The following ACCS variants were observed in gnomAD, a reference collection of about 807,000 sequenced individuals.
ACCS encodes the protein 1-aminocyclopropane-1-carboxylate synthase-like protein 1.
Under a neutral mutation model 59.8 loss-of-function variants are expected in ACCS, and 42 were observed. The ratio of observed to expected loss-of-function variants is 0.70; its 90% CI spans 0.55 to 0.91. The LOEUF (loss-of-function observed/expected upper bound fraction) is 0.91. Among genes scored for constraint, ACCS ranks in the 40% least tolerant of loss-of-function variants. ACCS has a pLI of 0.00. For missense variants in ACCS, 602 were observed against 630.4 expected, an observed-to-expected ratio of 0.95 and a Z score of 0.48; for synonymous variants, 230 against 240.3, an observed-to-expected ratio of 0.96 and a Z score of 0.40.
At position 44,077,861 on chromosome 11, in the gene ACCS, C is replaced by CA; in HGVS notation, c.672dup (p.Arg225ThrfsTer20). 1 of 1,613,968 alleles carries CA rather than the reference C, an allele frequency of 6.2e-7. No homozygotes were observed. Among genetic ancestry groups the CA allele is most frequent in the Non-Finnish European group, 8.5e-7 (1 of 1,179,936 alleles). On this transcript the variant is annotated frameshift_variant, in exon 8 of 15. Transcript: ENST00000263776. LOFTEE classifies it high-confidence loss of function. ...TTTTTCCAGGTCACTGGGCTAGACA[C>CA]ACGCCCCTTCCAGCTCACAGTGGAG...
chr11:44,074,128 C>T (rs185078058), intron 4 of ACCS, among the ~76,000 whole-genome samples: 329 of 152,238 alleles, frequency 2.2e-3, no homozygotes, highest in African/African-American at 7.5e-3. Context: ...TGCCTCTTAC[C>T]AGCAAGTGAC....
rs747458019 is a variant in ACCS at position 44,081,211 on chromosome 11, G to A, written c.1002G>A (p.Thr334=). The change falls in exon 12 of 15, where the codon ACG becomes ACA. Residue 334 remains threonine, a synonymous_variant. Transcript: ENST00000263776. ...DFGMSGLRFG[T]LYTENQDVAT... is the part of the protein sequence containing the mutation. ...GGATGTCTGGGCTCCGCTTTGGCAC[G>A]CTGTACACAGAAAACCAGGATGTGG... 9 of 1,614,118 alleles carry A rather than the reference G, an allele frequency of 5.6e-6. No homozygotes were observed. Among genetic ancestry groups the A allele is most frequent in the Middle Eastern group, 1.6e-4 (1 of 6,084 alleles).
At position 44,070,114 on chromosome 11, in the gene ACCS, G is replaced by A. The variant is rs148334301; in HGVS notation, c.289-1142G>A. Among the ~76,000 whole-genome samples the A allele has an allele frequency of 1.9e-3, 287 of 152,294 alleles. 1 individual carries two copies. The highest frequency in any genetic ancestry group is 6.8e-3 in the African/African-American group (281 of 41,562). On this transcript the variant is annotated intron_variant, in intron 2 of 14. Coordinates refer to ENST00000263776, the MANE Select transcript of ACCS (RefSeq NM_032592.4). ...ATGGGGTCAGAAAGAGGATGGGGTGGTGGAGGTGATAGAACCTGTAGGGCC... is the reference window on the plus strand; with the variant it reads ...ATGGGGTCAGAAAGAGGATGGGGTGATGGAGGTGATAGAACCTGTAGGGCC...
Position 44,083,417 on chromosome 11 carries a change from C to T in ACCS, c.1255-7C>T, listed in dbSNP as rs1465614852. The T allele has an allele frequency of 6.2e-7, 1 of 1,614,122 alleles. No homozygotes were observed. Among genetic ancestry groups the T allele is most frequent in the Non-Finnish European group, 8.5e-7 (1 of 1,179,986 alleles). On this transcript the variant is annotated splice_polypyrimidine_tract_variant and splice_region_variant and intron_variant, in intron 13 of 14. Coordinates refer to ENST00000263776, the MANE Select transcript of ACCS (RefSeq NM_032592.4). Reference sequence around the variant, plus strand: ...AGCTATGTCCTGAGCCCCTTCCACCCTCTCAGTACCTGCCCAAGGGCACCT... The same window carrying T: ...AGCTATGTCCTGAGCCCCTTCCACCTTCTCAGTACCTGCCCAAGGGCACCT...
intron 2 of ACCS, among the ~76,000 whole-genome samples, chr11:44,068,768 C>G (rs1219258028): frequency 6.6e-6 from 1 of 152,200 alleles, no homozygotes; most frequent in East Asian, 1.9e-4. Context: ...ATAAGCTATT[C>G]TCATAATGCC....
intron 9 of ACCS, 174 bp from the exon 10 acceptor site, chr11:44,079,357 T>C: frequency 1.7e-6 from 1 of 598,994 alleles, no homozygotes; most frequent in South Asian, 2.0e-5. Context: ...TCTGTATGTG[T>C]GGCTTTCTGT....
chr11:44,074,537 T>G, intron 4 of ACCS, 75 bp from the exon 5 acceptor site: 1 of 1,127,416 alleles, frequency 8.9e-7, no homozygotes, highest in South Asian at 1.3e-5. Flanking sequence ...GCCTGAGGAT[T>G]CACCAGAGGA....
At chr11:44,069,199 G>A (rs975831789) in intron 2 of ACCS, among the ~76,000 whole-genome samples, 1 of 151,990 alleles carries the variant, frequency 6.6e-6, no homozygotes, top group East Asian at 1.9e-4. Flanking sequence ...GATGCCTCAG[G>A]CTCAAGATCT....
chr11:44,067,855 A>G lies in ACCS; in HGVS notation c.228A>G (p.Ser76=). The G allele has an allele frequency of 6.2e-7, 1 of 1,614,046 alleles. No homozygotes were observed. ...GAATGATTAAATGGTTCTGGGATTCAGCTGAGGAGGGCTACAGGACCTACC... is the reference window on the plus strand; with the variant it reads ...GAATGATTAAATGGTTCTGGGATTCGGCTGAGGAGGGCTACAGGACCTACC... ...RGRMIKWFWD[S]AEEGYRTYHM... The change falls in exon 2 of 15, where the codon TCA becomes TCG. Residue 76 remains serine, a synonymous_variant. Transcript: ENST00000263776.
intron 13 of ACCS, 31 bp downstream of exon 13, chr11:44,083,342 G>T: frequency 6.2e-7 from 1 of 1,613,020 alleles, no homozygotes; most frequent in Non-Finnish European, 8.5e-7. Flanking sequence ...GGCTGAGAGG[G>T]AGTTTCAGGT....
chr11:44,071,636 A>G (rs1953055160), intron 3 of ACCS: 2 of 249,870 alleles, frequency 8.0e-6, no homozygotes, highest in East Asian at 7.7e-5. Context: ...GGGGGACAAA[A>G]AAAGCCTGAT....
intron 9 of ACCS, chr11:44,079,260 C>T (rs1434483026): frequency 2.2e-6 from 1 of 455,578 alleles, no homozygotes; most frequent in East Asian, 3.9e-5. Flanking sequence ...CGACTCGAGC[C>T]CTTGTGCATG....
At chr11:44,067,554 G>A (rs1306446774) in intron 1 of ACCS, 74 bp from the exon 2 acceptor site, 24 of 1,469,314 alleles carry the variant, frequency 1.6e-5, no homozygotes, top group Non-Finnish European at 2.2e-5. Context: ...GGACTCCCAT[G>A]ACTCCAACTC....
At chr11:44,072,595 T>C (rs571407840) in intron 3 of ACCS, among the ~76,000 whole-genome samples, 1 of 152,190 alleles carries the variant, frequency 6.6e-6, no homozygotes, top group South Asian at 2.1e-4. Context: ...AGGTAAAAAC[T>C]AATTTTAATA....
chr11:44,079,500 GTC>G, intron 9 of ACCS, 29 bp from the exon 10 acceptor site: 3 of 1,583,690 alleles, frequency 1.9e-6, no homozygotes, highest in Non-Finnish European at 2.6e-6. Context: ...TACACACTAA[GTC>G]TCTCCTCCCC....
In ACCS at chr11:44,074,693, C is replaced by T. The variant is rs201804463; in HGVS notation, c.489+12C>T. ...TCAGACCAGAGAATGTGAGTGGCCC[C>T]CTCCACTGCTCCTTCCTGTTCTCCT... On this transcript the variant is annotated intron_variant, in intron 5 of 14. Transcript: ENST00000263776. 1.3e-6 allele frequency: 2 copies of T among 1,561,330 alleles called. No individual in the cohort carries two copies. Among genetic ancestry groups the T allele is most frequent in the Non-Finnish European group, 1.7e-6 (2 of 1,153,904 alleles).
At chr11:44,068,039 C>A in intron 2 of ACCS, 124 bp downstream of exon 2, 1 of 1,074,020 alleles carries the variant, frequency 9.3e-7, no homozygotes, top group Non-Finnish European at 1.3e-6. Flanking sequence ...CTCTGACCTC[C>A]AAGAGGGCTT....
rs189131692 is a variant in ACCS, at chr11:44,075,517, C to G, written c.490-9C>G. The G allele has an allele frequency of 6.2e-7, 1 of 1,613,962 alleles. No individual in the cohort carries two copies. The highest frequency in any genetic ancestry group is 1.7e-5 in the Admixed American group (1 of 60,008). On this transcript the variant is annotated splice_polypyrimidine_tract_variant and intron_variant, in intron 5 of 14. Coordinates refer to ENST00000263776, the MANE Select transcript of ACCS (RefSeq NM_032592.4). ...GTTCATCTTCATCCCTTGGATATGT[C>G]GCCCTTAGGTGGTTGTCCTGAATGG...
intron 8 of ACCS, 192 bp from the exon 9 acceptor site, chr11:44,078,492 T>C (rs1953482727): frequency 3.9e-6 from 2 of 508,478 alleles, no homozygotes; most frequent in Non-Finnish European, 6.9e-6. Context: ...ATTTTTTCTC[T>C]GGGCCTTGTC....
Sources: gnomAD v4.1 joint callset for allele counts (sites outside exome capture counted in the v4.1 genomes callset) on GRCh38, gnomAD v4.1.1 for gene constraint, MANE v1.5 for transcripts, NCBI Gene and HGNC (gene_info 2026-07-23, HGNC 2026-07-21) for gene names.